The following CFAP47 variants were observed in gnomAD, a reference collection of about 807,000 sequenced individuals.
The protein encoded by CFAP47 is cilia- and flagella-associated protein 47.
Under a neutral mutation model 148.1 loss-of-function variants are expected in CFAP47, and 29 were observed. That is an observed-to-expected ratio of 0.20 (90% confidence interval 0.15 to 0.27). The LOEUF (loss-of-function observed/expected upper bound fraction) is 0.27. Ranked by LOEUF, CFAP47 falls within the 10% of genes least tolerant of loss-of-function variation. The pLI is 1.00. For missense variants in CFAP47, 1,872 were observed against 1,697.5 expected, an observed-to-expected ratio of 1.10 and a Z score of -1.81; for synonymous variants, 664 against 577.3, an observed-to-expected ratio of 1.15 and a Z score of -2.15.
At chrX:35,969,400 G>A (rs1435072848) in intron 10 of CFAP47, among the ~76,000 whole-genome samples, 1 of 111,293 alleles carries the variant, frequency 9.0e-6, no homozygotes, top group African/African-American at 3.3e-5. Context: ...ACAGTGTCAG[G>A]CATAGAGTAG....
At position 36,216,546 on chromosome X, in the gene CFAP47, G is replaced by C. The variant is rs185121949; in HGVS notation, c.6817+11436G>C. Among the ~76,000 whole-genome samples the C allele has an allele frequency of 9.9e-4, 111 of 111,986 alleles. 1 individual carries two copies. The highest frequency in any genetic ancestry group is 3.4e-3 in the African/African-American group (106 of 30,876). ...GACAGAGCCAATTTATCAAAACAGG[G>C]GAATTGTAATAGAGTTTAATTTATG... On this transcript the variant is annotated intron_variant, in intron 45 of 63. Transcript: ENST00000378653.
At chrX:35,951,500 A>G in intron 5 of CFAP47, 141 bp downstream of exon 5, 1 of 506,007 alleles carries the variant, frequency 2.0e-6, no homozygotes, top group East Asian at 3.7e-5. Flanking sequence ...TGTGTATCCA[A>G]TAGCAACCTC....
intron 48 of CFAP47, 31 bp from the exon 49 acceptor site, chrX:36,251,302 A>G (rs200962314): frequency 6.4e-6 from 3 of 466,081 alleles, no homozygotes; most frequent in East Asian, 3.9e-5. Flanking sequence ...TTGATACTAC[A>G]TAATTCTTGT....
At chrX:36,260,716 G>T (rs1236180171) in intron 49 of CFAP47, among the ~76,000 whole-genome samples, 4 of 111,858 alleles carry the variant, frequency 3.6e-5, no homozygotes, top group African/African-American at 1.3e-4. Context: ...ATTAGGTCCC[G>T]CTTGTCTGTT....
In CFAP47 at chrX:36,160,662, CTT is replaced by C. The variant is rs1195605862; in HGVS notation, c.5938-17_5938-16del. 1 of 289,190 alleles carries C rather than the reference CTT, an allele frequency of 3.5e-6. No individual in the cohort carries two copies. The highest frequency in any genetic ancestry group is 2.8e-5 in the African/African-American group (1 of 35,619). 23.8% of individuals were successfully genotyped at this position (289,190 alleles called of 1,213,427 possible). On this transcript the variant is annotated splice_polypyrimidine_tract_variant and intron_variant, in intron 38 of 63. Coordinates refer to ENST00000378653, the MANE Select transcript of CFAP47 (RefSeq NM_001304548.2). Reference sequence around the variant, plus strand: ...TTTTTGTTATTATCATGTGGTAAGACTTTATTTTTTTACTTTAGGACATTATA... The same window carrying C: ...TTTTTGTTATTATCATGTGGTAAGACTATTTTTTTACTTTAGGACATTATA...
Position 36,271,364 on chromosome X carries a change from G to A in CFAP47, c.7445-9123G>A, listed in dbSNP as rs72628200. On this transcript the variant is annotated intron_variant, in intron 49 of 63. Coordinates refer to ENST00000378653, the MANE Select transcript of CFAP47 (RefSeq NM_001304548.2). ...CAGTACGTCTCCTTAGCAGTTGGAG[G>A]CAATGAAGCATGGAGTCAAAGGATG... is the stretch of plus-strand genomic sequence containing the variant. 1.2e-3 allele frequency among the ~76,000 whole-genome samples: 137 copies of A among 111,229 alleles called. 2 individuals are homozygous for A. In the East Asian group the frequency reaches 0.036, roughly 29 times the overall value.
Position 36,251,340 on chromosome X carries a change from C to T in CFAP47, c.7340C>T (p.Ala2447Val), listed in dbSNP as rs1555998180. 6.0e-6 allele frequency: 3 copies of T among 499,220 alleles called. No homozygotes were observed. The highest frequency in any genetic ancestry group is 4.6e-5 in the African/African-American group (2 of 43,071). The allele number at this position is 499,220 out of a possible 1,213,427, so 41.1% of individuals were successfully genotyped here. ...CTGAATTATCTCTTATAGGTAACTG[C>T]AGATCTTCCAATAGTGTGGGGAAAT... The part of the protein sequence containing the change: ...TNTALTFKVT[A>V]DLPIVWGNPQ... The change falls in exon 49 of 64, where the codon GCA becomes GTA. Residue 2447 changes from alanine (A) to valine (V), a missense_variant. Physicochemically the swap from Ala to Val is moderately conservative, Grantham distance 64. Transcript: ENST00000378653.
intron 45 of CFAP47, among the ~76,000 whole-genome samples, chrX:36,206,219 T>C (rs1334540789): frequency 8.9e-6 from 1 of 112,116 alleles, no homozygotes; most frequent in Admixed American, 9.5e-5. Flanking sequence ...AGCAATCAGT[T>C]TGAGACCCTT....
At chrX:36,162,266 G>A (rs780550218) in intron 39 of CFAP47, among the ~76,000 whole-genome samples, 111 of 111,556 alleles carry the variant, frequency 1.0e-3, no homozygotes, top group Non-Finnish European at 1.8e-3. Flanking sequence ...TCCTTCCTTT[G>A]AATATGTCCC....
At chrX:36,341,463 A>G (rs1219461694) in intron 57 of CFAP47, among the ~76,000 whole-genome samples, 1 of 111,629 alleles carries the variant, frequency 9.0e-6, no homozygotes, top group Non-Finnish European at 1.9e-5. Flanking sequence ...AACTAAAGTG[A>G]TGAAAAATGA....
intron 48 of CFAP47, among the ~76,000 whole-genome samples, chrX:36,249,461 G>C (rs1012956648): frequency 5.4e-5 from 6 of 110,699 alleles, no homozygotes; most frequent in Non-Finnish European, 3.8e-5. Flanking sequence ...AAACTACTGA[G>C]CTGACTCAAG....
intron 31 of CFAP47, 120 bp downstream of exon 31, chrX:36,098,994 G>A: frequency 3.1e-6 from 1 of 319,051 alleles, no homozygotes; most frequent in Non-Finnish European, 5.5e-6. Flanking sequence ...ATATTATTAG[G>A]ATCATAATTT....
intron 55 of CFAP47, among the ~76,000 whole-genome samples, chrX:36,310,495 C>T (rs1472833350): frequency 2.3e-5 from 2 of 85,513 alleles, no homozygotes; most frequent in Non-Finnish European, 4.1e-5. Context: ...TGTTTGGTAT[C>T]AAGTTTGTTA....
intron 59 of CFAP47, among the ~76,000 whole-genome samples, chrX:36,350,489 G>A (rs1445970014): frequency 1.8e-5 from 2 of 110,450 alleles, no homozygotes; most frequent in Non-Finnish European, 3.8e-5. Flanking sequence ...TGTAACTCTC[G>A]ATCTCATCTA....
intron 53 of CFAP47, among the ~76,000 whole-genome samples, chrX:36,302,125 C>T (rs1293633712): frequency 2.8e-5 from 3 of 108,928 alleles, no homozygotes; most frequent in African/African-American, 3.3e-5. Context: ...TGGTAATATA[C>T]GAAGCAGATG....
intron 26 of CFAP47, among the ~76,000 whole-genome samples, chrX:36,064,917 A>G (rs1937624003): frequency 8.9e-6 from 1 of 111,956 alleles, no homozygotes; most frequent in African/African-American, 3.2e-5. Flanking sequence ...TATGCAGGTT[A>G]TAGAAGGTAA....
rs11362020 is a variant in CFAP47 at position 36,286,427 on chromosome X, T to TA, written c.7686+714dup. Among the ~76,000 whole-genome samples the TA allele has an allele frequency of 5.6e-3, 552 of 97,913 alleles. 3 individuals are homozygous for TA. The highest frequency in any genetic ancestry group is 0.017 in the African/African-American group (471 of 27,192). 85.0% of individuals were successfully genotyped at this position (97,913 alleles called of 115,157 possible). A position where few individuals can be genotyped will look rare whatever the true frequency, so the allele number is the denominator to read the frequency against. Reference sequence around the variant, plus strand: ...AACTTTGGTTCCAATAAATAGAAAGTAAAAAAAAAAAAAGATTTAAAATAC... The same window carrying TA: ...AACTTTGGTTCCAATAAATAGAAAGTAAAAAAAAAAAAAAGATTTAAAATAC... On this transcript the variant is annotated intron_variant, in intron 51 of 63. Coordinates refer to ENST00000378653, the MANE Select transcript of CFAP47 (RefSeq NM_001304548.2).
intron 42 of CFAP47, among the ~76,000 whole-genome samples, chrX:36,194,215 C>CAG (rs1555986920): frequency 1.8e-5 from 2 of 111,568 alleles, no homozygotes; most frequent in South Asian, 7.6e-4. Flanking sequence ...ATTTTCTAGG[C>CAG]AGAGAGAGAG....
chrX:36,022,599 A>T (rs150651112), intron 22 of CFAP47, among the ~76,000 whole-genome samples: 165 of 110,803 alleles, frequency 1.5e-3, no homozygotes, highest in African/African-American at 5.3e-3. Flanking sequence ...AAGGGCAGTA[A>T]CTCTTAGATT....
Sources: gnomAD v4.1 joint callset for allele counts (sites outside exome capture counted in the v4.1 genomes callset) on GRCh38, gnomAD v4.1.1 for gene constraint, MANE v1.5 for transcripts, NCBI Gene and HGNC (gene_info 2026-07-23, HGNC 2026-07-21) for gene names.